Variants in RPE65 observed in about 807,000 individuals in gnomAD.
RPE65 encodes retinoid isomerohydrolase.
RPE65 carries 58 observed loss-of-function variants against 68.5 expected under a neutral mutation model. The observed-to-expected ratio is 0.85, with a 90% CI of 0.69 to 1.05. The LOEUF is 1.05. Ranked by LOEUF, RPE65 falls within the 50% of genes least tolerant of loss-of-function variation. The pLI, the probability that RPE65 is intolerant of heterozygous loss-of-function variation, is 0.00. For synonymous variants in RPE65, 220 were observed against 222.2 expected, an observed-to-expected ratio of 0.99 and a Z score of 0.09; for missense variants, 643 against 629.9, an observed-to-expected ratio of 1.02 and a Z score of -0.22.
Position 68,440,932 on chromosome 1 carries a change from G to T in RPE65, c.564C>A (p.Thr188=). The T allele has an allele frequency of 1.2e-6, 2 of 1,613,934 alleles. No homozygotes were observed. Among genetic ancestry groups the T allele is most frequent in the Non-Finnish European group, 1.7e-6 (2 of 1,179,922 alleles). Residue 188 remains threonine (T), a synonymous_variant, in exon 6 of 14, where the codon ACC becomes ACA. Transcript: ENST00000262340. The stretch of plus-strand genomic sequence containing the variant: ...CAAAGCAATTACCAATATTGTAAAC[G>T]GTTCCATCATTTTCAATGTGGGGGT... ...TAHPHIENDG[T]VYNIGNCFGK...
chr1:68,443,308 T>C lies in RPE65; in HGVS notation c.495+1223A>G, dbSNP rs202144873. On this transcript the variant is annotated intron_variant, in intron 5 of 13. Transcript: ENST00000262340. ...ATGTCAGGAGCGTTTTGGGTTTGTA[T>C]AATGATTGAAAACATGACTGGTGTT... 1.8e-4 allele frequency among the ~76,000 whole-genome samples: 27 copies of C among 152,310 alleles called. No homozygotes were observed. In the East Asian group the frequency reaches 4.6e-3, roughly 26 times the overall value.
At chr1:68,447,302 G>GA (rs1465259055) in intron 2 of RPE65, among the ~76,000 whole-genome samples, 3 of 152,218 alleles carry the variant, frequency 2.0e-5, no homozygotes, top group Admixed American at 6.5e-5. Flanking sequence ...TGTGTCTATA[G>GA]AAAAAAGACT....
chr1:68,439,344 G>T, intron 7 of RPE65, 21 bp from the exon 8 acceptor site: 1 of 1,612,026 alleles, frequency 6.2e-7, no homozygotes, highest in Non-Finnish European at 8.5e-7. Flanking sequence ...ACACAAATGG[G>T]CTTGTGAATG....
At chr1:68,439,402 G>T (rs1645883941) in intron 7 of RPE65, 79 bp from the exon 8 acceptor site, 23 of 1,592,742 alleles carry the variant, frequency 1.4e-5, no homozygotes. Flanking sequence ...TATGTGGTAT[G>T]CTCAGTTACA....
intron 10 of RPE65, among the ~76,000 whole-genome samples, chr1:68,436,460 T>C (rs897243064): frequency 6.6e-6 from 1 of 151,176 alleles, no homozygotes; most frequent in Non-Finnish European, 1.5e-5. Flanking sequence ...ATTTATTTAT[T>C]TATTTATTTA....
chr1:68,435,055 C>T (rs943911156), intron 10 of RPE65, among the ~76,000 whole-genome samples: 1 of 152,176 alleles, frequency 6.6e-6, no homozygotes, highest in Admixed American at 6.5e-5. Flanking sequence ...AAACCTAGTG[C>T]TTTATTCTTA....
chr1:68,434,888 C>T (rs1262123030), intron 10 of RPE65, among the ~76,000 whole-genome samples: 1 of 152,088 alleles, frequency 6.6e-6, no homozygotes, highest in South Asian at 2.1e-4. Flanking sequence ...CTCAGTCTTC[C>T]AAGTAACTGG....
chr1:68,435,198 T>A (rs1645852409), intron 10 of RPE65, among the ~76,000 whole-genome samples: 1 of 151,716 alleles, frequency 6.6e-6, no homozygotes, highest in Non-Finnish European at 1.5e-5. Context: ...TTCTGGCTTC[T>A]CTTGTTTCTT....
rs1322654511 is a variant in RPE65, at chr1:68,440,833, G to A, written c.643+20C>T. The A allele has an allele frequency of 2.5e-6, 4 of 1,613,464 alleles. No homozygotes were observed. Among genetic ancestry groups the A allele is most frequent in the South Asian group, 1.1e-5 (1 of 91,068 alleles). On this transcript the variant is annotated intron_variant, in intron 6 of 13. Coordinates refer to ENST00000262340, the MANE Select transcript of RPE65 (RefSeq NM_000329.3). ...AATATAGACACTTATTTTCAGAAGA[G>A]GACAGATTGGTAAACTCACCTGCTT...
intron 2 of RPE65, among the ~76,000 whole-genome samples, chr1:68,447,843 C>G (rs1283526867): frequency 6.6e-6 from 1 of 152,060 alleles, no homozygotes; most frequent in African/African-American, 2.4e-5. Context: ...GAGCGAGACT[C>G]TGTCTCAAAA....
intron 5 of RPE65, among the ~76,000 whole-genome samples, chr1:68,441,926 C>A (rs762946621): frequency 6.6e-6 from 1 of 152,104 alleles, no homozygotes; most frequent in Non-Finnish European, 1.5e-5. Flanking sequence ...ATGTGCCAGG[C>A]ACTGTATCAG....
intron 6 of RPE65, among the ~76,000 whole-genome samples, chr1:68,439,860 A>T (rs1474952179): frequency 6.6e-6 from 1 of 152,166 alleles, no homozygotes; most frequent in Non-Finnish European, 1.5e-5. Context: ...GGAAACGTGC[A>T]CTCAAATAGG....
chr1:68,432,663 C>T (rs372181495), intron 10 of RPE65, among the ~76,000 whole-genome samples: 2 of 152,064 alleles, frequency 1.3e-5, no homozygotes, highest in Non-Finnish European at 2.9e-5. Flanking sequence ...TACAAAGCCT[C>T]GTAGGTCATT....
chr1:68,438,458 C>T (rs1302596449), intron 9 of RPE65, 142 bp from the exon 10 acceptor site: 9 of 931,892 alleles, frequency 9.7e-6, no homozygotes, highest in Non-Finnish European at 1.5e-5. Context: ...TGTATCAGAG[C>T]CATTTCCTCC....
Position 68,440,959 on chromosome 1 carries a change from A to C in RPE65, c.537T>G (p.Ala179=). ...CNYVSVNGAT[A]HPHIENDGTV... Reference sequence around the variant, plus strand: ...TTCCATCATTTTCAATGTGGGGGTGAGCAGTGGCCCCATTGACAGAGACAT... The same window carrying C: ...TTCCATCATTTTCAATGTGGGGGTGCGCAGTGGCCCCATTGACAGAGACAT... Residue 179 remains alanine (A), a synonymous_variant, in exon 6 of 14, where the codon GCT becomes GCG. Coordinates refer to ENST00000262340, the MANE Select transcript of RPE65 (RefSeq NM_000329.3). The C allele has an allele frequency of 6.2e-7, 1 of 1,614,016 alleles. No individual in the cohort carries two copies. The highest frequency in any genetic ancestry group is 8.5e-7 in the Non-Finnish European group (1 of 1,179,924).
At chr1:68,441,940 T>G (rs977507465) in intron 5 of RPE65, among the ~76,000 whole-genome samples, 1 of 152,150 alleles carries the variant, frequency 6.6e-6, no homozygotes, top group Non-Finnish European at 1.5e-5. Context: ...GTATCAGGGC[T>G]CAGGAGAGAG....
chr1:68,444,395 T>G (rs193084518), intron 5 of RPE65, 136 bp downstream of exon 5: 1 of 1,146,760 alleles, frequency 8.7e-7, no homozygotes, highest in Admixed American at 1.7e-5. Flanking sequence ...GTGCAGTCCA[T>G]TTGGAGCTTG....
rs1226973278 is a variant in RPE65, at chr1:68,434,115, T to TAC, written c.1129-2532_1129-2531dup. 5.8e-3 allele frequency among the ~76,000 whole-genome samples: 573 copies of TAC among 99,508 alleles called. 2 individuals are homozygous for TAC. Among genetic ancestry groups the TAC allele is most frequent in the African/African-American group, 0.011 (280 of 25,572 alleles). 65.3% of individuals were successfully genotyped at this position (99,508 alleles called of 152,430 possible). A position where few individuals can be genotyped will look rare whatever the true frequency, so the allele number is the denominator to read the frequency against. On this transcript the variant is annotated intron_variant, in intron 10 of 13. Transcript: ENST00000262340. The stretch of plus-strand genomic sequence containing the variant: ...GGATATATATATATATATATATATA[T>TAC]ACACACACACACACACACACACACA...
At chr1:68,433,178 G>A (rs1250237096) in intron 10 of RPE65, among the ~76,000 whole-genome samples, 2 of 152,166 alleles carry the variant, frequency 1.3e-5, no homozygotes, top group Non-Finnish European at 2.9e-5. Flanking sequence ...AGCTAAAAAT[G>A]TAAATGAATA....
Sources: allele counts gnomAD v4.1 joint callset (sites outside exome capture counted in the v4.1 genomes callset), GRCh38; gene constraint gnomAD v4.1.1; transcripts MANE v1.5; gene names NCBI Gene and HGNC (gene_info 2026-07-23, HGNC 2026-07-21).